CCDC9: variants seen among roughly 807,000 people sequenced by gnomAD.
CCDC9 encodes coiled-coil domain-containing protein 9.
CCDC9 carries 52 observed loss-of-function variants against 65.6 expected under a neutral mutation model. The ratio of observed to expected loss-of-function variants is 0.79; its 90% confidence interval spans 0.63 to 1.00. The LOEUF is 1.00. Among genes scored for constraint, CCDC9 ranks in the 50% least tolerant of loss-of-function variants. The probability of loss-of-function intolerance (pLI) is 0.00; values close to 1 mark genes in which losing one functional copy is unlikely to be tolerated. For synonymous variants in CCDC9, 332 were observed against 280.3 expected (o/e 1.18, Z -1.84); for missense variants, 834 against 757.2 (o/e 1.10, Z -1.19).
downstream of CCDC9, among the ~76,000 whole-genome samples, chr19:47,272,750 A>G (rs1237751609): frequency 6.6e-6 from 1 of 152,180 alleles, no homozygotes; most frequent in East Asian, 1.9e-4. Context: ...CTGGGATTAG[A>G]GTTCCGAGGT....
chr19:47,262,135 G>A (rs535561823), intron 5 of CCDC9, among the ~76,000 whole-genome samples: 1 of 151,748 alleles, frequency 6.6e-6, no homozygotes, highest in African/African-American at 2.4e-5. Flanking sequence ...CTTGTATGCT[G>A]AGCCCTGCAG....
downstream of CCDC9, chr19:47,275,078 C>CGG (rs1305814352): frequency 6.7e-7 from 1 of 1,496,278 alleles, no homozygotes; most frequent in Non-Finnish European, 8.9e-7. Flanking sequence ...ACTACGGTCT[C>CGG]ATCTGGGTAC....
chr19:47,264,967 C>T, intron 7 of CCDC9, 21 bp downstream of exon 7: 1 of 1,431,960 alleles, frequency 7.0e-7, no homozygotes, highest in Non-Finnish European at 9.1e-7. Flanking sequence ...GCAGTGAGGA[C>T]ACCTCGGGGC....
chr19:47,257,607 G>C (rs1351950161), intron 1 of CCDC9: 1 of 152,628 alleles, frequency 6.6e-6, no homozygotes, highest in East Asian at 1.9e-4. Flanking sequence ...TGTTGGGGCG[G>C]GTGGAGTATT....
chr19:47,268,029 A>G lies in CCDC9; in HGVS notation c.902+1237A>G, dbSNP rs544032742. Among the ~76,000 whole-genome samples, 3 of 152,160 alleles carry G rather than the reference A, an allele frequency of 2.0e-5. No homozygotes were observed. The South Asian group carries it at 6.2e-4, about 32-fold the overall frequency. Reference sequence around the variant, plus strand: ...CATCCAGCTAATTTTTTGTAATTTTAGTAGAGGTGGGGTTTCACCATGTTG... The same window carrying G: ...CATCCAGCTAATTTTTTGTAATTTTGGTAGAGGTGGGGTTTCACCATGTTG... On this transcript the variant is annotated intron_variant, in intron 8 of 11. Coordinates refer to ENST00000221922, the MANE Select transcript of CCDC9 (RefSeq NM_015603.3).
Position 47,268,504 on chromosome 19 carries a change from G to C in CCDC9, c.902+1712G>C, listed in dbSNP as rs2059096489. Among the ~76,000 whole-genome samples the C allele has an allele frequency of 2.6e-5, 4 of 152,150 alleles. No individual in the cohort carries two copies. In the South Asian group the frequency reaches 8.3e-4, roughly 32 times the overall value. On this transcript the variant is annotated intron_variant, in intron 8 of 11. Coordinates refer to ENST00000221922, the MANE Select transcript of CCDC9 (RefSeq NM_015603.3). Reference sequence around the variant, plus strand: ...AGAAATAATTTGCACAGATACTATAGCTGATCTTCCTAAGGAGGAGGCAGC... The same window carrying C: ...AGAAATAATTTGCACAGATACTATACCTGATCTTCCTAAGGAGGAGGCAGC...
chr19:47,269,039 A>T (rs2059099842), intron 8 of CCDC9, among the ~76,000 whole-genome samples: 1 of 151,992 alleles, frequency 6.6e-6, no homozygotes, highest in African/African-American at 2.4e-5. Context: ...TGAACCCAGG[A>T]GGTTTGCAGT....
intron 3 of CCDC9, among the ~76,000 whole-genome samples, chr19:47,259,917 C>T (rs1372525491): frequency 1.3e-5 from 2 of 152,180 alleles, no homozygotes; most frequent in African/African-American, 4.8e-5. Flanking sequence ...CAGAGACCTA[C>T]AGGAGGTGAG....
At chr19:47,266,337 C>T in intron 7 of CCDC9, 1 of 404,856 alleles carries the variant, frequency 2.5e-6, no homozygotes, top group Non-Finnish European at 4.4e-6. Context: ...GATGAGGTTT[C>T]TTCTGGTGGG....
downstream of CCDC9, among the ~76,000 whole-genome samples, chr19:47,273,176 T>C (rs1023494708): frequency 6.6e-6 from 1 of 152,068 alleles, no homozygotes; most frequent in Non-Finnish European, 1.5e-5. Context: ...TGGGAGTGTT[T>C]GCTGCTGCGT....
rs1424236685 is a variant in CCDC9, at chr19:47,258,760, A to G, written c.108+97A>G. 1.1e-5 allele frequency: 10 copies of G among 873,942 alleles called. 1 individual carries two copies. The highest frequency in any genetic ancestry group is 2.8e-5 in the South Asian group (2 of 72,228). The allele number at this position is 873,942 out of a possible 1,614,324, so 54.1% of individuals were successfully genotyped here. A position where few individuals can be genotyped will look rare whatever the true frequency, so the allele number is the denominator to read the frequency against. Reference sequence around the variant, plus strand: ...CCTTAAAACCTTTTCATGGCTCCCCATCACTGTCAGGATAAAGGCCAAAGG... The same window carrying G: ...CCTTAAAACCTTTTCATGGCTCCCCGTCACTGTCAGGATAAAGGCCAAAGG... On this transcript the variant is annotated intron_variant, in intron 3 of 11. Coordinates refer to ENST00000221922, the MANE Select transcript of CCDC9 (RefSeq NM_015603.3).
downstream of CCDC9, chr19:47,274,756 C>A: frequency 3.1e-6 from 1 of 318,610 alleles, no homozygotes; most frequent in Non-Finnish European, 4.7e-6. Context: ...GGGGGTGGGC[C>A]TAGGATGCGG....
At chr19:47,261,711 CAAAAAAAAAAAA>C (rs758107358) in intron 5 of CCDC9, among the ~76,000 whole-genome samples, 1 of 50,158 alleles carries the variant, frequency 2.0e-5, no homozygotes, top group Non-Finnish European at 3.5e-5. Flanking sequence ...GACTCTGTAT[CAAAAAAAAAAAA>C]AAAAAAAAAA....
downstream of CCDC9, chr19:47,273,956 C>G (rs147440573): frequency 5.2e-5 from 51 of 984,122 alleles, no homozygotes; most frequent in Middle Eastern, 5.2e-4. Context: ...TTCCCTCCCC[C>G]CTCCCGCAGG....
downstream of CCDC9, among the ~76,000 whole-genome samples, chr19:47,272,617 G>C (rs1164999775): frequency 6.6e-6 from 1 of 152,124 alleles, no homozygotes; most frequent in East Asian, 1.9e-4. Context: ...GCAAGACTCC[G>C]TCTCAAAAAA....
chr19:47,271,696 T>TGTGTGTGTGC lies in CCDC9; in HGVS notation c.*27_*28insCGTGTGTGTG, dbSNP rs1434557503. 8.4e-7 allele frequency: 1 copy of TGTGTGTGTGC among 1,188,430 alleles called. No homozygotes were observed. Among genetic ancestry groups the TGTGTGTGTGC allele is most frequent in the South Asian group, 1.5e-5 (1 of 66,612 alleles). 73.6% of individuals were successfully genotyped at this position (1,188,430 alleles called of 1,614,324 possible). A position where few individuals can be genotyped will look rare whatever the true frequency, so the allele number is the denominator to read the frequency against. On this transcript the variant is annotated 3_prime_UTR_variant, in exon 12 of 12. Transcript: ENST00000221922. Reference sequence around the variant, plus strand: ...GTGTATGAAGCTGGCTGCCTGTGTGTGTGTGTGTGTGTGTGTGTGTGTGTG... The same window carrying TGTGTGTGTGC: ...GTGTATGAAGCTGGCTGCCTGTGTGTGTGTGTGTGCGTGTGTGTGTGTGTGTGTGTGTGTG...
chr19:47,271,631 G>T lies in CCDC9; in HGVS notation c.1549G>T (p.Ala517Ser). Residue 517 changes from alanine (A) to serine (S), a missense_variant, in exon 12 of 12, where the codon GCT becomes TCT. Physicochemically the swap from Ala to Ser is moderately conservative, Grantham distance 99. Coordinates refer to ENST00000221922, the MANE Select transcript of CCDC9 (RefSeq NM_015603.3). ...ELNSPRTTHL[A>S]GALSPGEAWP... ...GAATTCTCCCCGGACCACTCACCTG[G>T]CTGGCGCCCTCTCCCCGGGTGAGGC... The T allele has an allele frequency of 6.2e-7, 1 of 1,607,708 alleles. No individual in the cohort carries two copies. Among genetic ancestry groups the T allele is most frequent in the Non-Finnish European group, 8.5e-7 (1 of 1,176,690 alleles).
At chr19:47,260,965 C>CA (rs2059041505) in intron 5 of CCDC9, 126 bp downstream of exon 5, 2 of 1,116,110 alleles carry the variant, frequency 1.8e-6, no homozygotes, top group Admixed American at 5.3e-5. Flanking sequence ...TGAGCCTTTG[C>CA]ATCTGGCTCT....
At chr19:47,270,754 C>T (rs932013669) in intron 10 of CCDC9, 66 bp downstream of exon 10, 4 of 1,495,182 alleles carry the variant, frequency 2.7e-6, no homozygotes, top group African/African-American at 1.4e-5. Flanking sequence ...TCTTCTTTGG[C>T]TTGCTGTGAA....
Sources: allele counts gnomAD v4.1 joint callset (sites outside exome capture counted in the v4.1 genomes callset), GRCh38; gene constraint gnomAD v4.1.1; transcripts MANE v1.5; gene names NCBI Gene and HGNC (gene_info 2026-07-23, HGNC 2026-07-21).